The following MSRA variants were observed in gnomAD, a reference collection of about 807,000 sequenced individuals.
MSRA encodes the protein methionine sulfoxide reductase A.
MSRA carries 54 observed loss-of-function variants against 31.3 expected under a neutral mutation model. That is an observed-to-expected ratio of 1.73 (90% CI 1.39 to 2.17). The LOEUF is 2.17. MSRA is among the 30% of genes most tolerant of loss of function. MSRA has a pLI of 0.00. For missense variants in MSRA, 507 were observed against 300.9 expected (o/e 1.69, Z -5.07); for synonymous variants, 169 against 116.5 (o/e 1.45, Z -2.90).
chr8:10,330,563 C>A (rs1802637216), intron 5 of MSRA, among the ~76,000 whole-genome samples: 1 of 152,148 alleles, frequency 6.6e-6, no homozygotes, highest in African/African-American at 2.4e-5. Flanking sequence ...ATTACAGTTG[C>A]TTTAAACAAA....
At chr8:10,339,820 C>T (rs1325524303) in intron 5 of MSRA, among the ~76,000 whole-genome samples, 1 of 151,416 alleles carries the variant, frequency 6.6e-6, no homozygotes, top group South Asian at 2.1e-4. Context: ...GGATTACAGG[C>T]GTGAGCCACC....
At chr8:10,405,773 ATGTGCTCACACATG>A (rs1807771472) in intron 5 of MSRA, among the ~76,000 whole-genome samples, 11 of 49,762 alleles carry the variant, frequency 2.2e-4, no homozygotes, top group Non-Finnish European at 4.7e-4. Context: ...ACACACACCT[ATGTGCTCACACATG>A]TAATCACATA....
At chr8:10,348,082 G>A (rs1803896885) in intron 5 of MSRA, among the ~76,000 whole-genome samples, 1 of 152,166 alleles carries the variant, frequency 6.6e-6, no homozygotes, top group Non-Finnish European at 1.5e-5. Flanking sequence ...CTCACGTTAA[G>A]GTGGGTTCAT....
chr8:10,118,521 C>A (rs753461242), intron 1 of MSRA, among the ~76,000 whole-genome samples: 1 of 152,100 alleles, frequency 6.6e-6, no homozygotes, highest in African/African-American at 2.4e-5. Context: ...ATTTCCCCCA[C>A]CATAGAGTCC....
chr8:10,362,013 T>C (rs1041317745), intron 5 of MSRA, among the ~76,000 whole-genome samples: 5 of 152,154 alleles, frequency 3.3e-5, no homozygotes, highest in African/African-American at 1.2e-4. Flanking sequence ...CATTTTGTTT[T>C]CGTCTTTTGG....
At position 10,294,321 on chromosome 8, in the gene MSRA, C is replaced by T. The variant is rs566723107; in HGVS notation, c.332-7213C>T. On this transcript the variant is annotated intron_variant, in intron 3 of 5. Transcript: ENST00000317173. ...AGTAGCAGTCAAATGATACTAGCAA[C>T]GCTGCCATGAAGAAAGGTGATACCG... is the stretch of plus-strand genomic sequence containing the variant. Among the ~76,000 whole-genome samples, 279 of 152,314 alleles carry T rather than the reference C, an allele frequency of 1.8e-3. 2 individuals carry two copies. The highest frequency in any genetic ancestry group is 6.1e-3 in the African/African-American group (254 of 41,572).
intron 2 of MSRA, among the ~76,000 whole-genome samples, chr8:10,221,991 A>C (rs186757048): frequency 6.9e-6 from 1 of 145,620 alleles, no homozygotes; most frequent in African/African-American, 2.6e-5. Context: ...GGCAATTCAC[A>C]GGTAATTCGT....
At chr8:10,158,097 C>T (rs534675987) in intron 1 of MSRA, among the ~76,000 whole-genome samples, 1 of 152,198 alleles carries the variant, frequency 6.6e-6, no homozygotes, top group Non-Finnish European at 1.5e-5. Context: ...ACGGTGTCCT[C>T]ACATGCTGGA....
chr8:10,137,034 G>C (rs1310908497), intron 1 of MSRA, among the ~76,000 whole-genome samples: 1 of 152,178 alleles, frequency 6.6e-6, no homozygotes, highest in Non-Finnish European at 1.5e-5. Flanking sequence ...GAATTCTGCA[G>C]TAACCTGTGA....
chr8:10,386,017 G>T (rs1389535801), intron 5 of MSRA, among the ~76,000 whole-genome samples: 2 of 152,154 alleles, frequency 1.3e-5, no homozygotes, highest in Non-Finnish European at 2.9e-5. Context: ...GACCCTGTCT[G>T]TGAGTATTTC....
At chr8:10,280,195 T>C (rs946483589) in intron 3 of MSRA, among the ~76,000 whole-genome samples, 1 of 152,178 alleles carries the variant, frequency 6.6e-6, no homozygotes, top group Non-Finnish European at 1.5e-5. Context: ...TGCTTTCTTT[T>C]TTTTTCTGAT....
At chr8:10,179,790 G>GA (rs1250926917) in intron 1 of MSRA, among the ~76,000 whole-genome samples, 8 of 152,168 alleles carry the variant, frequency 5.3e-5, no homozygotes, top group African/African-American at 1.9e-4. Flanking sequence ...ATGAGAGGTT[G>GA]AAGGTAAAGC....
chr8:10,315,681 T>C (rs949525505), intron 4 of MSRA, among the ~76,000 whole-genome samples: 1 of 152,230 alleles, frequency 6.6e-6, no homozygotes, highest in African/African-American at 2.4e-5. Flanking sequence ...TGTAAGCATG[T>C]TGTAAATCTC....
intron 1 of MSRA, among the ~76,000 whole-genome samples, chr8:10,201,001 A>C (rs1487218929): frequency 6.6e-6 from 1 of 152,166 alleles, no homozygotes; most frequent in Non-Finnish European, 1.5e-5. Flanking sequence ...TGTGGGCCAC[A>C]TAGGAACCTT....
chr8:10,228,668 C>G (rs956909626), intron 2 of MSRA, among the ~76,000 whole-genome samples: 6 of 152,122 alleles, frequency 3.9e-5, no homozygotes, highest in African/African-American at 4.8e-5. Context: ...GAATTCCAGG[C>G]CTTCCTTCAT....
chr8:10,122,082 C>T (rs1801158958), intron 1 of MSRA, among the ~76,000 whole-genome samples: 1 of 152,068 alleles, frequency 6.6e-6, no homozygotes, highest in South Asian at 2.1e-4. Context: ...GAAGGGGCAC[C>T]ACATATCTGT....
At chr8:10,237,036 T>G (rs1246022309) in intron 2 of MSRA, among the ~76,000 whole-genome samples, 1 of 152,222 alleles carries the variant, frequency 6.6e-6, no homozygotes, top group Non-Finnish European at 1.5e-5. Flanking sequence ...CTGCGGGATT[T>G]TATTTATAAG....
chr8:10,327,597 T>C (rs1428039503), intron 5 of MSRA, among the ~76,000 whole-genome samples: 1 of 152,106 alleles, frequency 6.6e-6, no homozygotes, highest in Non-Finnish European at 1.5e-5. Context: ...TGTGTGTGTT[T>C]TGTTGCGGGG....
At chr8:10,088,814 A>C (rs1798705552) in intron 1 of MSRA, among the ~76,000 whole-genome samples, 1 of 152,252 alleles carries the variant, frequency 6.6e-6, no homozygotes, top group South Asian at 2.1e-4. Flanking sequence ...TTAAGAAAGA[A>C]GATCTTGCCA....
Sources: allele counts gnomAD v4.1 joint callset (sites outside exome capture counted in the v4.1 genomes callset), GRCh38; gene constraint gnomAD v4.1.1; transcripts MANE v1.5; gene names NCBI Gene and HGNC (gene_info 2026-07-23, HGNC 2026-07-21).